Variants in TTC34 observed in about 807,000 individuals in gnomAD.
TTC34 encodes tetratricopeptide repeat domain 34.
Under a neutral mutation model 40.7 loss-of-function variants are expected in TTC34, and 44 were observed. That is an observed-to-expected ratio of 1.08 (90% CI 0.85 to 1.39). The LOEUF is 1.39. TTC34 is among the 40% of genes most tolerant of loss of function. The probability of loss-of-function intolerance (pLI) is 0.00; values close to 1 mark genes in which losing one functional copy is unlikely to be tolerated. For missense variants in TTC34, 884 were observed against 838.0 expected (o/e 1.05, Z -0.68); for synonymous variants, 422 against 398.6 (o/e 1.06, Z -0.70).
chr1:2,756,832 G>A (rs1641523225), intron 6 of TTC34, among the ~76,000 whole-genome samples: 1 of 152,098 alleles, frequency 6.6e-6, no homozygotes, highest in African/African-American at 2.4e-5. Context: ...CACACCCCGA[G>A]GCGAGCATCT....
intron 6 of TTC34, among the ~76,000 whole-genome samples, chr1:2,691,088 G>A (rs556355602): frequency 2.7e-5 from 2 of 74,948 alleles, no homozygotes; most frequent in East Asian, 3.2e-4. Context: ...ATGCTTTGGA[G>A]CAGCACCCAC....
chr1:2,759,149 A>T, intron 6 of TTC34, among the ~76,000 whole-genome samples: 1 of 107,870 alleles, frequency 9.3e-6, no homozygotes, highest in Admixed American at 9.4e-5. Context: ...CTAGAACAGC[A>T]CCCACACCCC....
chr1:2,648,790 C>T (rs998185857), intron 6 of TTC34, among the ~76,000 whole-genome samples: 1 of 151,266 alleles, frequency 6.6e-6, no homozygotes, highest in African/African-American at 2.4e-5. Context: ...CCTGGAATGG[C>T]ACCCACACTC....
At chr1:2,750,911 G>C (rs1159423776) in intron 6 of TTC34, among the ~76,000 whole-genome samples, 1 of 104,968 alleles carries the variant, frequency 9.5e-6, no homozygotes, top group Admixed American at 9.9e-5. Flanking sequence ...CTGAACGCAC[G>C]GAGCAGCACC....
At chr1:2,655,070 G>C (rs1440084833) in intron 6 of TTC34, among the ~76,000 whole-genome samples, 2 of 147,800 alleles carry the variant, frequency 1.4e-5, no homozygotes, top group African/African-American at 5.1e-5. Flanking sequence ...GTGAGCACCT[G>C]ACAGCCTGGA....
chr1:2,695,028 C>CTGCACCCCCAGGTGAGCA, intron 6 of TTC34, among the ~76,000 whole-genome samples: 1 of 151,560 alleles, frequency 6.6e-6, no homozygotes, highest in Non-Finnish European at 1.5e-5. Context: ...GAACAGCACC[C>CTGCACCCCCAGGTGAGCA]TGCACCCCCA....
intron 6 of TTC34, among the ~76,000 whole-genome samples, chr1:2,768,744 G>T (rs1641888615): frequency 7.3e-6 from 1 of 137,732 alleles, no homozygotes; most frequent in Non-Finnish European, 1.6e-5. Flanking sequence ...ACCCCCTTCA[G>T]GTGAGCATCT....
chr1:2,789,524 C>T (rs1643635783), exon 3 of TTC34: 2 of 1,503,058 alleles, frequency 1.3e-6, no homozygotes, highest in South Asian at 2.5e-5. Flanking sequence ...GGTGGGGCCG[C>T]CCGTCTCTGC....
rs1471372190 is a variant in TTC34, at chr1:2,760,336, T to A, written c.2226+23273A>T. ...AGCACCGCACACCCGCAGGTGAGCA[T>A]CTGACAGCCTGGAACAGCACCCCAC... On this transcript the variant is annotated intron_variant, in intron 6 of 8. Coordinates refer to ENST00000401095, the Ensembl canonical transcript of TTC34. 7.1e-5 allele frequency among the ~76,000 whole-genome samples: 3 copies of A among 42,400 alleles called. 1 individual carries two copies. Among genetic ancestry groups the A allele is most frequent in the Non-Finnish European group, 1.1e-4 (3 of 27,550 alleles). The allele number at this position is 42,400 out of a possible 152,430, so 27.8% of individuals were successfully genotyped here. A position where few individuals can be genotyped will look rare whatever the true frequency, so the allele number is the denominator to read the frequency against.
chr1:2,654,573 C>A (rs1462111687), intron 6 of TTC34, among the ~76,000 whole-genome samples: 39 of 150,360 alleles, frequency 2.6e-4, no homozygotes, highest in African/African-American at 9.6e-4. Context: ...GCACCCACAC[C>A]CCCAGGTGAG....
At chr1:2,685,779 G>A (rs1640308379) in intron 6 of TTC34, among the ~76,000 whole-genome samples, 3 of 148,406 alleles carry the variant, frequency 2.0e-5, no homozygotes, top group Admixed American at 1.4e-4. Flanking sequence ...GCATCTGACA[G>A]CCTGGAACAG....
rs1641281497 is a variant in TTC34 at position 2,750,537 on chromosome 1, A to G, written c.2226+33072T>C. Among the ~76,000 whole-genome samples the G allele has an allele frequency of 1.3e-3, 192 of 151,514 alleles. 33 individuals are homozygous for G. The highest frequency in any genetic ancestry group is 4.5e-3 in the African/African-American group (183 of 41,052). The stretch of plus-strand genomic sequence containing the variant: ...TCAGCACCCACATCCCCAAGCGAGC[A>G]TCCGACAGCCTGGGGCAGCACCCAC... On this transcript the variant is annotated intron_variant, in intron 6 of 8. Coordinates refer to ENST00000401095, the Ensembl canonical transcript of TTC34.
exon 9 of TTC34, chr1:2,638,341 ACACT>A (rs1638830586): frequency 6.6e-6 from 1 of 152,300 alleles, no homozygotes; most frequent in Admixed American, 6.5e-5. Context: ...TGATGCAGGT[ACACT>A]TACTAGAGAT....
chr1:2,754,996 C>G (rs1278290755), intron 6 of TTC34, among the ~76,000 whole-genome samples: 16 of 31,576 alleles, frequency 5.1e-4, no homozygotes, highest in African/African-American at 1.0e-3. Flanking sequence ...GCGAGCATCT[C>G]ACAGCACGTA....
chr1:2,771,369 G>A (rs1433243669), intron 6 of TTC34, among the ~76,000 whole-genome samples: 1 of 66,564 alleles, frequency 1.5e-5, no homozygotes, highest in Non-Finnish European at 2.6e-5. Flanking sequence ...CCAACCACAG[G>A]TGAGGATCTG....
intron 2 of TTC34, among the ~76,000 whole-genome samples, chr1:2,798,310 C>G (rs1356868956): frequency 1.9e-5 from 2 of 105,054 alleles, no homozygotes; most frequent in Non-Finnish European, 1.9e-5. Flanking sequence ...AGCTCCCCAG[C>G]CCCCCAGCCT....
intron 6 of TTC34, among the ~76,000 whole-genome samples, chr1:2,657,326 G>C (rs1639382328): frequency 8.6e-6 from 1 of 115,962 alleles, no homozygotes; most frequent in African/African-American, 2.8e-5. Flanking sequence ...TGACAGCATG[G>C]AGCAGCACCC....
chr1:2,641,523 G>A (rs1638902301), exon 9 of TTC34: 2 of 1,535,338 alleles, frequency 1.3e-6, no homozygotes, highest in Non-Finnish European at 1.7e-6. Context: ...CCGCGGAGAA[G>A]GAACATGCGT....
chr1:2,761,043 G>A (rs1641670288), intron 6 of TTC34, among the ~76,000 whole-genome samples: 1 of 64,224 alleles, frequency 1.6e-5, no homozygotes, highest in African/African-American at 1.3e-4. Context: ...AGCACCCACA[G>A]TCCCAGGTGA....
Sources: gnomAD v4.1 joint callset for allele counts (sites outside exome capture counted in the v4.1 genomes callset) on GRCh38, gnomAD v4.1.1 for gene constraint, MANE v1.5 for transcripts, NCBI Gene and HGNC (gene_info 2026-07-23, HGNC 2026-07-21) for gene names.